ZMYND11: variants seen among roughly 807,000 people sequenced by gnomAD.
The protein encoded by ZMYND11 is zinc finger MYND-type containing 11.
Under a neutral mutation model 84.9 loss-of-function variants are expected in ZMYND11, and 9 were observed. The observed-to-expected ratio is 0.11, with a 90% CI of 0.06 to 0.18. The LOEUF is 0.18. ZMYND11 is among the 10% of genes least tolerant of loss of function. The pLI, the probability that ZMYND11 is intolerant of heterozygous loss-of-function variation, is 1.00. For synonymous variants in ZMYND11, 250 were observed against 244.1 expected (o/e 1.02, Z -0.23); for missense variants, 409 against 761.0 (o/e 0.54, Z 5.44).
Position 252,067 on chromosome 10 carries a change from A to G in ZMYND11, c.1687-281A>G, listed in dbSNP as rs1398483151. 1.3e-5 allele frequency among the ~76,000 whole-genome samples: 2 copies of G among 152,194 alleles called. No homozygotes were observed. Among genetic ancestry groups the G allele is most frequent in the African/African-American group, 4.8e-5 (2 of 41,450 alleles). On this transcript the variant is annotated intron_variant, in intron 14 of 14. Transcript: ENST00000381604. This position sits in a 1 kb window ranked among gnomAD's most constrained non-coding sequence, Gnocchi z 4.6. ...TGGAAAGGGATGTGAAGTCAAGAGC[A>G]TTTTAAGAAAAGAAACGGGAATGAC...
At chr10:174,366 A>G (rs1846068929) in intron 1 of ZMYND11, among the ~76,000 whole-genome samples, 1 of 152,242 alleles carries the variant, frequency 6.6e-6, no homozygotes, top group Admixed American at 6.5e-5. Flanking sequence ...AGACAGTAGT[A>G]AAAAGACCAG....
intron 2 of ZMYND11, among the ~76,000 whole-genome samples, chr10:194,815 A>G (rs1005996219): frequency 6.6e-6 from 1 of 152,226 alleles, no homozygotes; most frequent in Non-Finnish European, 1.5e-5. Context: ...AAGGTCGCTC[A>G]CAGACCTGCA....
intron 2 of ZMYND11, among the ~76,000 whole-genome samples, chr10:183,274 A>AT (rs370802333): frequency 2.0e-4 from 27 of 134,754 alleles, no homozygotes; most frequent in East Asian, 1.3e-3. Context: ...ATTGGTTGTG[A>AT]TTTTTCCATA....
At chr10:218,518 A>G (rs942375313) in intron 3 of ZMYND11, 1 of 365,032 alleles carries the variant, frequency 2.7e-6, no homozygotes, top group Non-Finnish European at 5.6e-6. Context: ...ATTTTGCACT[A>G]TGTTATTTTA....
At chr10:171,841 C>T (rs1265490321) in intron 1 of ZMYND11, among the ~76,000 whole-genome samples, 1 of 152,144 alleles carries the variant, frequency 6.6e-6, no homozygotes, top group Admixed American at 6.5e-5. Context: ...GTCCCCTCAC[C>T]ACACTGCCTT....
At chr10:238,028 A>G (rs181635541) in intron 6 of ZMYND11, among the ~76,000 whole-genome samples, 1 of 152,330 alleles carries the variant, frequency 6.6e-6, no homozygotes, top group East Asian at 1.9e-4. Context: ...GTGGTACCTG[A>G]GAGTTCCTCT....
At chr10:241,283 T>A (rs1310002589) in intron 9 of ZMYND11, among the ~76,000 whole-genome samples, 1 of 152,146 alleles carries the variant, frequency 6.6e-6, no homozygotes, top group African/African-American at 2.4e-5. Flanking sequence ...GCTCAAGTGA[T>A]TCTCCCACCT....
At chr10:208,610 A>T (rs1056218281) in intron 2 of ZMYND11, among the ~76,000 whole-genome samples, 1 of 152,236 alleles carries the variant, frequency 6.6e-6, no homozygotes, top group Non-Finnish European at 1.5e-5. Context: ...ATAGTTGTTC[A>T]TGACTCTGCA....
chr10:232,090 A>C (rs1474405815), intron 4 of ZMYND11, among the ~76,000 whole-genome samples: 1 of 152,392 alleles, frequency 6.6e-6, no homozygotes, highest in Admixed American at 6.5e-5. Flanking sequence ...TAATCTGTAC[A>C]TATTATAAAG....
At chr10:243,386 T>C (rs978346946) in intron 10 of ZMYND11, among the ~76,000 whole-genome samples, 1 of 152,188 alleles carries the variant, frequency 6.6e-6, no homozygotes, top group Non-Finnish European at 1.5e-5. Flanking sequence ...AAACAAGAAT[T>C]CAGTTATTTT....
intron 2 of ZMYND11, among the ~76,000 whole-genome samples, chr10:200,897 A>C (rs1943028695): frequency 6.6e-6 from 1 of 151,962 alleles, no homozygotes; most frequent in South Asian, 2.1e-4. Context: ...TTTTCTTTTA[A>C]TTTACAAAAT....
chr10:203,563 A>G (rs1218678168), intron 2 of ZMYND11, among the ~76,000 whole-genome samples: 1 of 152,168 alleles, frequency 6.6e-6, no homozygotes, highest in African/African-American at 2.4e-5. Context: ...ATTACTGTGG[A>G]TGAATATGGG....
intron 2 of ZMYND11, among the ~76,000 whole-genome samples, chr10:186,054 G>C (rs1408136438): frequency 6.6e-6 from 1 of 150,578 alleles, no homozygotes; most frequent in African/African-American, 2.4e-5. Flanking sequence ...CTTTCGCCCA[G>C]GTTGGAGTGC....
chr10:235,211 T>C (rs1191855978), intron 4 of ZMYND11, among the ~76,000 whole-genome samples: 1 of 146,376 alleles, frequency 6.8e-6, no homozygotes, highest in Non-Finnish European at 1.5e-5. Context: ...ACTAAACAAA[T>C]TTAATAACTA....
intron 2 of ZMYND11, among the ~76,000 whole-genome samples, chr10:200,450 A>G (rs900566767): frequency 6.7e-6 from 1 of 149,114 alleles, no homozygotes. Context: ...ATGTGTGTAT[A>G]TATTTATTTT....
chr10:168,745 A>G (rs1002825818), intron 1 of ZMYND11, among the ~76,000 whole-genome samples: 1 of 152,178 alleles, frequency 6.6e-6, no homozygotes, highest in Non-Finnish European at 1.5e-5. Context: ...TGCTGCACCA[A>G]AAATTGGAGA....
chr10:237,106 TTGTC>T, intron 5 of ZMYND11, among the ~76,000 whole-genome samples, 191 bp downstream of exon 5: 1 of 152,234 alleles, frequency 6.6e-6, no homozygotes, highest in Admixed American at 6.5e-5. Flanking sequence ...TTTTCTTGTT[TTGTC>T]TGTTTTGGAC....
chr10:154,057 A>C (rs1841075653), intron 1 of ZMYND11, among the ~76,000 whole-genome samples: 1 of 152,138 alleles, frequency 6.6e-6, no homozygotes, highest in African/African-American at 2.4e-5. Flanking sequence ...TGTTCACCAC[A>C]CTTACTGTTT....
intron 10 of ZMYND11, chr10:244,642 A>AT (rs1457887444): frequency 3.3e-5 from 5 of 152,296 alleles, no homozygotes; most frequent in Non-Finnish European, 5.9e-5. Context: ...GCTCACTGAC[A>AT]TCAGATCACA....
Sources: allele counts gnomAD v4.1 joint callset (sites outside exome capture counted in the v4.1 genomes callset), GRCh38; gene constraint gnomAD v4.1.1; non-coding constraint Gnocchi (gnomAD v3.1); transcripts MANE v1.5; gene names NCBI Gene and HGNC (gene_info 2026-07-23, HGNC 2026-07-21).